Variants in ZNF805 observed in about 807,000 individuals in gnomAD.
ZNF805 encodes zinc finger protein 805.
In ZNF805, 7 loss-of-function variants were observed where a neutral mutation model predicts 13.6. The ratio of observed to expected loss-of-function variants is 0.51; its 90% confidence interval spans 0.29 to 0.97. The LOEUF is 0.97. Ranked by LOEUF, ZNF805 falls within the 50% of genes least tolerant of loss-of-function variation. ZNF805 has a pLI of 0.08. For synonymous variants in ZNF805, 293 were observed against 279.8 expected (o/e 1.05, Z -0.47); for missense variants, 604 against 771.0 (o/e 0.78, Z 2.57).
Position 57,253,931 on chromosome 19 carries a change from A to G in ZNF805, c.1112A>G (p.Tyr371Cys), listed in dbSNP as rs1246848725. 4 of 1,614,070 alleles carry G rather than the reference A, an allele frequency of 2.5e-6. No individual in the cohort carries two copies. The highest frequency in any genetic ancestry group is 1.1e-5 in the South Asian group (1 of 91,088). Residue 371 changes from tyrosine to cysteine, a missense_variant, in exon 4 of 4, where the codon TAT becomes TGT. Tyr to Cys is a radical substitution (Grantham distance 194). Around this residue, in one of 3 missense-constraint regions of ZNF805, gnomAD observed 228 missense variants for 352.8 expected, o/e 0.65. Coordinates refer to ENST00000414468, the MANE Select transcript of ZNF805 (RefSeq NM_001023563.4). This position sits in a 1 kb window ranked among gnomAD's most constrained non-coding sequence, Gnocchi z 4.4. ...CAGACTCATACCGGGGAGAAGCCCT[A>G]TGAGTGCAGTGAATGTGGGAAGGCC... ...HQQTHTGEKP[Y>C]ECSECGKAFC... is the part of the protein sequence containing the mutation.
chr19:57,245,696 G>C (rs375332629), intron 2 of ZNF805, among the ~76,000 whole-genome samples: 2 of 151,218 alleles, frequency 1.3e-5, no homozygotes, highest in Admixed American at 1.3e-4. Flanking sequence ...GGAGAATGGC[G>C]TGAACCCAGG....
At chr19:57,246,791 A>AT (rs983327215) in intron 2 of ZNF805, among the ~76,000 whole-genome samples, 2 of 151,956 alleles carry the variant, frequency 1.3e-5, no homozygotes, top group Non-Finnish European at 2.9e-5. Context: ...AAAAAAAAAA[A>AT]AAGAAAAGCA....
chr19:57,259,613 TCTC>T lies in ZNF805; in HGVS notation c.*4913_*4915del, dbSNP rs2087711575. Among the ~76,000 whole-genome samples the T allele has an allele frequency of 6.6e-6, 1 of 152,158 alleles. No individual in the cohort carries two copies. Among genetic ancestry groups the T allele is most frequent in the East Asian group, 1.9e-4 (1 of 5,180 alleles). On this transcript the variant is annotated 3_prime_UTR_variant, in exon 4 of 4. Transcript: ENST00000414468. ...GCTCTGCCTCCCGGGTTCATGCCAT[TCTC>T]CTGCCTCAGCCTCCCGAGTAGCTGG... is the stretch of plus-strand genomic sequence containing the variant.
In ZNF805 at chr19:57,254,877, ATC is replaced by A; in HGVS notation, c.*177_*178del. The A allele has an allele frequency of 1.6e-6, 1 of 641,744 alleles. No individual in the cohort carries two copies. The highest frequency in any genetic ancestry group is 2.6e-6 in the Non-Finnish European group (1 of 378,856). 39.8% of individuals were successfully genotyped at this position (641,744 alleles called of 1,614,324 possible). On this transcript the variant is annotated 3_prime_UTR_variant, in exon 4 of 4. Transcript: ENST00000414468. ...TCTCATTAGTTTACAGTGCAATGTT[ATC>A]TCAGGAATTTTTATAAACAGAAAGA...
At position 57,250,653 on chromosome 19, in the gene ZNF805, C is replaced by G. The variant is rs536073757; in HGVS notation, c.253+1953C>G. 3.3e-5 allele frequency among the ~76,000 whole-genome samples: 5 copies of G among 152,340 alleles called. No homozygotes were observed. In the East Asian group the frequency reaches 7.7e-4, roughly 23 times the overall value. On this transcript the variant is annotated intron_variant, in intron 3 of 3. Transcript: ENST00000414468. The stretch of plus-strand genomic sequence containing the variant: ...TCAGCTCTTTGTCCTGCGTGGGGTA[C>G]TCCAGCATTCAGACCTTGTTCCAGA...
At chr19:57,245,641 T>A (rs371066841) in intron 2 of ZNF805, among the ~76,000 whole-genome samples, 8 of 149,568 alleles carry the variant, frequency 5.3e-5, no homozygotes, top group Non-Finnish European at 1.2e-4. Flanking sequence ...TAGCCGGGCG[T>A]GGTGGCGGGT....
chr19:57,258,200 A>G lies in ZNF805; in HGVS notation c.*3497A>G, dbSNP rs377451357. 2.4e-4 allele frequency among the ~76,000 whole-genome samples: 37 copies of G among 151,468 alleles called. No homozygotes were observed. In the East Asian group the frequency reaches 3.1e-3, roughly 13 times the overall value. On this transcript the variant is annotated 3_prime_UTR_variant, in exon 4 of 4. Transcript: ENST00000414468. The stretch of plus-strand genomic sequence containing the variant: ...ATATTTTTAGTAGAGACGGGGTTTC[A>G]TCATGTTGGTCAGGCTGGTCTCAAA...
intron 1 of ZNF805, among the ~76,000 whole-genome samples, chr19:57,243,006 A>T (rs2087588992): frequency 6.6e-6 from 1 of 152,148 alleles, no homozygotes; most frequent in South Asian, 2.1e-4. Context: ...GGATCACTTG[A>T]GGCTAGGAGT....
Position 57,256,394 on chromosome 19 carries a change from T to A in ZNF805, c.*1691T>A, listed in dbSNP as rs1483393590. On this transcript the variant is annotated 3_prime_UTR_variant, in exon 4 of 4. Coordinates refer to ENST00000414468, the MANE Select transcript of ZNF805 (RefSeq NM_001023563.4). ...TTCTGTTTTTTTGGAAGATCATGTG[T>A]AGAATTGGTGTTATTTGTTCCTTTA... Among the ~76,000 whole-genome samples the A allele has an allele frequency of 6.6e-6, 1 of 152,174 alleles. No homozygotes were observed. The highest frequency in any genetic ancestry group is 1.5e-5 in the Non-Finnish European group (1 of 67,992).
chr19:57,257,338 A>C lies in ZNF805; in HGVS notation c.*2635A>C, dbSNP rs1190973636. Among the ~76,000 whole-genome samples the C allele has an allele frequency of 3.3e-5, 5 of 152,286 alleles. No homozygotes were observed. The highest frequency in any genetic ancestry group is 4.1e-4 in the South Asian group (2 of 4,822). ...CTGTCTAGTATTTCTATCAATTGCC[A>C]AGAGAAGGATGTTGAAGTCCTGAGC... On this transcript the variant is annotated 3_prime_UTR_variant, in exon 4 of 4. Coordinates refer to ENST00000414468, the MANE Select transcript of ZNF805 (RefSeq NM_001023563.4).
intron 2 of ZNF805, 37 bp downstream of exon 2, chr19:57,244,086 C>T (rs1386100890): frequency 1.9e-6 from 3 of 1,598,816 alleles, no homozygotes; most frequent in Non-Finnish European, 2.6e-6. Flanking sequence ...GGGGATCTGC[C>T]ACCTCCTTCG....
At chr19:57,245,562 A>T (rs4516330) in intron 2 of ZNF805, among the ~76,000 whole-genome samples, 7 of 149,444 alleles carry the variant, frequency 4.7e-5, no homozygotes, top group Non-Finnish European at 7.4e-5. Context: ...GGCGGATCAC[A>T]AGGTCAGGAG....
Position 57,240,923 on chromosome 19 carries a change from T to C in ZNF805, c.30+2T>C. The C allele has an allele frequency of 6.4e-7, 1 of 1,559,488 alleles. No homozygotes were observed. The highest frequency in any genetic ancestry group is 8.7e-7 in the Non-Finnish European group (1 of 1,152,066). On this transcript the variant is annotated splice_donor_variant, in intron 1 of 3. Coordinates refer to ENST00000414468, the MANE Select transcript of ZNF805 (RefSeq NM_001023563.4). LOFTEE classifies it high-confidence loss of function. ...ATGGCTTTGACGGACCCGGCGCAGG[T>C]GAGTGGACAAGGTTTCGGCCTTGCT...
Position 57,245,110 on chromosome 19 carries a change from A to G in ZNF805, c.157+1061A>G, listed in dbSNP as rs554276754. On this transcript the variant is annotated intron_variant, in intron 2 of 3. Coordinates refer to ENST00000414468, the MANE Select transcript of ZNF805 (RefSeq NM_001023563.4). ...GGAGACATTGACCTTCCGTCCCACC[A>G]GGTGTTATTCTAAACAACCTTCACG... Among the ~76,000 whole-genome samples the G allele has an allele frequency of 3.3e-5, 5 of 152,340 alleles. No homozygotes were observed. The South Asian group carries it at 6.2e-4, about 19-fold the overall frequency.
chr19:57,253,794 A>G lies in ZNF805; in HGVS notation c.975A>G (p.Arg325=). The change falls in exon 4 of 4, where the codon CGA becomes CGG. Residue 325 remains arginine, a synonymous_variant. Coordinates refer to ENST00000414468, the MANE Select transcript of ZNF805 (RefSeq NM_001023563.4). The surrounding 1 kb of genome is among the most constrained non-coding windows in gnomAD (Gnocchi z 4.4). ...FVCKECGKAF[R]DRPGFIRHYI... ...GCAAAGAGTGTGGCAAAGCCTTTCG[A>G]GATAGGCCAGGTTTCATTCGACACT... 2 of 1,613,244 alleles carry G rather than the reference A, an allele frequency of 1.2e-6. No individual in the cohort carries two copies. Among genetic ancestry groups the G allele is most frequent in the Middle Eastern group, 1.7e-4 (1 of 6,060 alleles).
At chr19:57,242,233 TACAG>T (rs906186219) in intron 1 of ZNF805, among the ~76,000 whole-genome samples, 1 of 152,270 alleles carries the variant, frequency 6.6e-6, no homozygotes, top group African/African-American at 2.4e-5. Context: ...CCTTTGTTTT[TACAG>T]ACAGTTGGCT....
chr19:57,254,534 T>G lies in ZNF805; in HGVS notation c.1715T>G (p.Val572Gly), dbSNP rs1454854173. ...AGAAATCCTATCAGTGTAACAGATGTGGGAAGACCTTTTACAAGTGGGCAG... is the reference window on the plus strand; with the variant it reads ...AGAAATCCTATCAGTGTAACAGATGGGGGAAGACCTTTTACAAGTGGGCAG... Reference protein sequence around the residue: ...TGRNPISVTDVGRPFTSGQTS... With the variant: ...TGRNPISVTDGGRPFTSGQTS... The change falls in exon 4 of 4, where the codon GTG (valine) becomes GGG (glycine). Residue 572 changes from valine (V) to glycine (G), a missense_variant. Physicochemically the swap from Val to Gly is moderately radical, Grantham distance 109 (BLOSUM62 -3). This residue lies in a region of ZNF805 where 228 missense variants were observed against 352.8 expected (regional missense o/e 0.65). Coordinates refer to ENST00000414468, the MANE Select transcript of ZNF805 (RefSeq NM_001023563.4). 6.2e-7 allele frequency: 1 copy of G among 1,614,088 alleles called. No homozygotes were observed. The highest frequency in any genetic ancestry group is 2.2e-5 in the East Asian group (1 of 44,894).
rs542054283 is a variant in ZNF805, at chr19:57,262,325, T to C, written c.*7622T>C. On this transcript the variant is annotated 3_prime_UTR_variant, in exon 4 of 4. Transcript: ENST00000414468. ...GCCATAGCTTTGAGATGAAGGCTTA[T>C]ATACGTGTAAACCATTGTAACCAAG... The C allele has an allele frequency of 5.4e-5, 9 of 165,296 alleles. No homozygotes were observed. Among genetic ancestry groups the C allele is most frequent in the Admixed American group, 1.3e-4 (2 of 14,990 alleles). The allele number at this position is 165,296 out of a possible 1,614,324, so 10.2% of individuals were successfully genotyped here.
chr19:57,245,342 C>T (rs1401875645), intron 2 of ZNF805, among the ~76,000 whole-genome samples: 4 of 152,160 alleles, frequency 2.6e-5, no homozygotes, highest in Non-Finnish European at 5.9e-5. Flanking sequence ...TCCCTGACCA[C>T]CGAATCTTGG....
Sources: allele counts gnomAD v4.1 joint callset (sites outside exome capture counted in the v4.1 genomes callset), GRCh38; gene constraint gnomAD v4.1.1; regional missense constraint gnomAD v4.1.1; non-coding constraint Gnocchi (gnomAD v3.1); transcripts MANE v1.5; gene names NCBI Gene and HGNC (gene_info 2026-07-23, HGNC 2026-07-21).